The following TRABD variants were observed in gnomAD, a reference collection of about 807,000 sequenced individuals.
TRABD encodes TraB domain containing.
In TRABD, 23 loss-of-function variants were observed where a neutral mutation model predicts 39.6. That is an observed-to-expected ratio of 0.58 (90% CI 0.42 to 0.82). The LOEUF (loss-of-function observed/expected upper bound fraction) is 0.82. Ranked by LOEUF, TRABD falls within the 40% of genes least tolerant of loss-of-function variation. The probability of loss-of-function intolerance (pLI) is 0.00; values close to 1 mark genes in which losing one functional copy is unlikely to be tolerated. For synonymous variants in TRABD, 243 were observed against 232.1 expected (o/e 1.05, Z -0.43); for missense variants, 487 against 544.9 (o/e 0.89, Z 1.06).
intron 1 of TRABD, among the ~76,000 whole-genome samples, chr22:50,189,713 C>T (rs771998076): frequency 2.0e-5 from 3 of 150,950 alleles, no homozygotes; most frequent in South Asian, 2.1e-4. Context: ...CCAGGTGATG[C>T]TCTGCTGGGA....
chr22:50,192,748 G>C (rs973071877), intron 1 of TRABD, among the ~76,000 whole-genome samples: 1 of 10,648 alleles, frequency 9.4e-5, no homozygotes, highest in Non-Finnish European at 1.6e-4. Flanking sequence ...GCCCTGTTCT[G>C]AGTGAGGCCT....
intron 7 of TRABD, 70 bp downstream of exon 7, chr22:50,197,658 A>G: frequency 1.9e-6 from 3 of 1,590,956 alleles, no homozygotes; most frequent in Non-Finnish European, 2.6e-6. Context: ...CCTCCTGTGC[A>G]GGTCCAAGCG....
Position 50,197,953 on chromosome 22 carries a change from C to T in TRABD, c.802C>T (p.Arg268Cys), listed in dbSNP as rs1308398375. The T allele has an allele frequency of 3.7e-6, 6 of 1,612,700 alleles. No homozygotes were observed. Among genetic ancestry groups the T allele is most frequent in the African/African-American group, 1.3e-5 (1 of 75,018 alleles). Residue 268 changes from arginine (R) to cysteine (C), a missense_variant, in exon 8 of 10, where the codon CGC becomes TGC. Physicochemically the swap from Arg to Cys is radical, Grantham distance 180. Transcript: ENST00000380909. ...ERDVYLTYML[R>C]QAARRLELPR... ...CGACGTCTACCTAACCTACATGCTG[C>T]GCCAGGCCGCGCGGCGCCTCGAGCT...
At chr22:50,197,197 C>T (rs777782556) in intron 5 of TRABD, 44 bp from the exon 6 acceptor site, 1 of 1,580,472 alleles carries the variant, frequency 6.3e-7, no homozygotes, top group Middle Eastern at 1.8e-4. Context: ...CAGCGCACCC[C>T]CGCACCCGCC....
At chr22:50,197,190 C>CGCGGGGGGGGG in intron 5 of TRABD, 51 bp from the exon 6 acceptor site, 1 of 1,549,316 alleles carries the variant, frequency 6.5e-7, no homozygotes, top group African/African-American at 1.4e-5. Flanking sequence ...ATTCCCCCAG[C>CGCGGGGGGGGG]GCACCCCCGC....
At chr22:50,196,368 A>G (rs753318247) in intron 5 of TRABD, among the ~76,000 whole-genome samples, 2 of 152,224 alleles carry the variant, frequency 1.3e-5, no homozygotes, top group South Asian at 2.1e-4. Context: ...CTCATGGCTC[A>G]GGCCCAGACC....
At chr22:50,193,242 GA>G in intron 2 of TRABD, 149 bp downstream of exon 2, 1 of 1,064,268 alleles carries the variant, frequency 9.4e-7, no homozygotes, top group Non-Finnish European at 1.3e-6. Context: ...CTCCGAGGGA[GA>G]GGGGCGCTGG....
Position 50,197,191 on chromosome 22 carries a change from G to GCGGGGGGGGCC in TRABD, c.421-49_421-48insGGGGGGGGCCC. ...ATCCCAGTTCTGCCATTCCCCCAGCGCACCCCCGCACCCGCCCCTCCAGCT... is the reference window on the plus strand; with the variant it reads ...ATCCCAGTTCTGCCATTCCCCCAGCGCGGGGGGGGCCCACCCCCGCACCCGCCCCTCCAGCT... On this transcript the variant is annotated intron_variant, in intron 5 of 9. Transcript: ENST00000380909. 1.9e-6 allele frequency: 3 copies of GCGGGGGGGGCC among 1,553,436 alleles called. No individual in the cohort carries two copies. In the African/African-American group the frequency reaches 4.1e-5, roughly 21 times the overall value.
chr22:50,196,708 CTT>C (rs1226661316), intron 5 of TRABD, among the ~76,000 whole-genome samples: 7 of 145,912 alleles, frequency 4.8e-5, no homozygotes, highest in African/African-American at 5.0e-5. Context: ...TTTTCTTCTT[CTT>C]TTTTTTTTTT....
intron 1 of TRABD, among the ~76,000 whole-genome samples, chr22:50,186,889 C>T (rs1166905826): frequency 6.6e-6 from 1 of 152,266 alleles, no homozygotes; most frequent in Admixed American, 6.5e-5. Context: ...GGAGTGGGAG[C>T]TGTCTGGGCA....
chr22:50,193,934 T>C (rs890803945), intron 3 of TRABD, among the ~76,000 whole-genome samples: 1 of 152,206 alleles, frequency 6.6e-6, no homozygotes, highest in Non-Finnish European at 1.5e-5. Context: ...GGCACGGGAG[T>C]CCCTCCTTGC....
At chr22:50,195,623 T>C (rs1220949692) in intron 5 of TRABD, among the ~76,000 whole-genome samples, 1 of 151,952 alleles carries the variant, frequency 6.6e-6, no homozygotes, top group Non-Finnish European at 1.5e-5. Context: ...CCACCACACC[T>C]GGCTAATTTT....
At position 50,198,489 on chromosome 22, in the gene TRABD, G is replaced by T; in HGVS notation, c.1101G>T (p.Leu367=). 6.3e-7 allele frequency: 1 copy of T among 1,582,554 alleles called. No individual in the cohort carries two copies. ...VLSLPAAQYC[L]QRVTEARHK ...CGCTGCCCGCCGCGCAGTACTGCCT[G>T]CAGAGGGTGACCGAGGCCCGGCACA... is the stretch of plus-strand genomic sequence containing the variant. Residue 367 remains leucine (L), a synonymous_variant, in exon 10 of 10, where the codon CTG becomes CTT. Transcript: ENST00000380909. The surrounding 1 kb of genome is among the most constrained non-coding windows in gnomAD (Gnocchi z 7.9).
intron 5 of TRABD, among the ~76,000 whole-genome samples, chr22:50,196,062 T>C (rs1483651164): frequency 2.6e-5 from 4 of 152,220 alleles, no homozygotes; most frequent in Admixed American, 2.0e-4. Flanking sequence ...AGTGCCGTGC[T>C]GCTCACTGCT....
intron 1 of TRABD, among the ~76,000 whole-genome samples, chr22:50,187,382 C>T (rs1351543259): frequency 2.6e-5 from 4 of 152,204 alleles, no homozygotes; most frequent in Non-Finnish European, 5.9e-5. Context: ...AGGTGCCAGG[C>T]ATCAGAAACA....
intron 7 of TRABD, 43 bp downstream of exon 7, chr22:50,197,631 T>C: frequency 6.2e-7 from 1 of 1,606,054 alleles, no homozygotes; most frequent in Non-Finnish European, 8.5e-7. Context: ...CAGGGTGGTC[T>C]GTGGGAGGCT....
chr22:50,193,056 C>T lies in TRABD; in HGVS notation c.-5C>T, dbSNP rs778934034. 58 of 1,545,384 alleles carry T rather than the reference C, an allele frequency of 3.8e-5. No homozygotes were observed. The highest frequency in any genetic ancestry group is 4.9e-5 in the Non-Finnish European group (56 of 1,147,106). On this transcript the variant is annotated 5_prime_UTR_variant, in exon 2 of 10. Coordinates refer to ENST00000380909, the MANE Select transcript of TRABD (RefSeq NM_001320485.2). ...CCCACAGGTGCAGGAAGCCGCCGCCCAGCCATGGACGGGGAGGAGCAGCAG... is the reference window on the plus strand; with the variant it reads ...CCCACAGGTGCAGGAAGCCGCCGCCTAGCCATGGACGGGGAGGAGCAGCAG...
chr22:50,187,555 C>T (rs1020565193), intron 1 of TRABD, among the ~76,000 whole-genome samples: 3 of 152,180 alleles, frequency 2.0e-5, no homozygotes, highest in Non-Finnish European at 4.4e-5. Context: ...TTGGTGCTAG[C>T]CAGTTTTTGG....
chr22:50,190,156 G>C (rs2063859217), intron 1 of TRABD, among the ~76,000 whole-genome samples: 1 of 152,222 alleles, frequency 6.6e-6, no homozygotes, highest in Admixed American at 6.5e-5. Flanking sequence ...GGCTTTAGGT[G>C]CTGGGGGGTC....
Sources: gnomAD v4.1 joint callset for allele counts (sites outside exome capture counted in the v4.1 genomes callset) on GRCh38, gnomAD v4.1.1 for gene constraint, Gnocchi (gnomAD v3.1) non-coding constraint, MANE v1.5 for transcripts, NCBI Gene and HGNC (gene_info 2026-07-23, HGNC 2026-07-21) for gene names.